BMP3: variants seen among roughly 807,000 people sequenced by gnomAD.
The protein encoded by BMP3 is bone morphogenetic protein 3 (osteogenic).
In BMP3, 23 loss-of-function variants were observed where a neutral mutation model predicts 38.1. The observed-to-expected ratio is 0.60, with a 90% CI of 0.43 to 0.86. The LOEUF (loss-of-function observed/expected upper bound fraction) is 0.86. BMP3 is among the 40% of genes least tolerant of loss of function. BMP3 has a pLI of 0.00. For missense variants in BMP3, 628 were observed against 579.6 expected, an observed-to-expected ratio of 1.08 and a Z score of -0.86; for synonymous variants, 258 against 225.7, an observed-to-expected ratio of 1.14 and a Z score of -1.28.
intron 2 of BMP3, among the ~76,000 whole-genome samples, chr4:81,051,096 C>A (rs2109912740): frequency 6.6e-6 from 1 of 152,026 alleles, no homozygotes; most frequent in South Asian, 2.1e-4. Context: ...TCAGGGGCTT[C>A]TGTCCAAATT....
intron 2 of BMP3, among the ~76,000 whole-genome samples, chr4:81,049,742 T>C (rs1740359549): frequency 6.6e-6 from 1 of 152,188 alleles, no homozygotes; most frequent in South Asian, 2.1e-4. Flanking sequence ...ATCCCTGTTA[T>C]CTGCACCGTG....
In BMP3 at chr4:81,045,806, T is replaced by G; in HGVS notation, c.385T>G (p.Ser129Ala). 2.5e-6 allele frequency: 4 copies of G among 1,613,846 alleles called. No homozygotes were observed. Among genetic ancestry groups the G allele is most frequent in the Non-Finnish European group, 3.4e-6 (4 of 1,179,914 alleles). ...TSLTKSENIL[S>A]ATLYFCIGEL... ...GCTAACCAAGTCTGAAAACATTTTG[T>G]CTGCCACACTGTATTTCTGTATTGG... Residue 129 changes from serine (S) to alanine (A), a missense_variant, in exon 2 of 3, where the codon TCT becomes GCT. Ser to Ala is a moderately conservative substitution (Grantham distance 99). Transcript: ENST00000282701.
rs546130548 is a variant in BMP3 at position 81,038,989 on chromosome 4, A to G, written c.317-6749A>G. Among the ~76,000 whole-genome samples, 224 of 152,344 alleles carry G rather than the reference A, an allele frequency of 1.5e-3. 1 individual carries two copies. Among genetic ancestry groups the G allele is most frequent in the Middle Eastern group, 3.4e-3 (1 of 294 alleles). On this transcript the variant is annotated intron_variant, in intron 1 of 2. Coordinates refer to ENST00000282701, the MANE Select transcript of BMP3 (RefSeq NM_001201.5). ...ATCTTTGGCTGTTTTTACTTTGGACATAGAGAATGGTTGTTTTGAGGTCCC... is the reference window on the plus strand; with the variant it reads ...ATCTTTGGCTGTTTTTACTTTGGACGTAGAGAATGGTTGTTTTGAGGTCCC...
Position 81,031,407 on chromosome 4 carries a change from G to C in BMP3, c.123G>C (p.Thr41=), listed in dbSNP as rs202167056. Residue 41 remains threonine, a synonymous_variant, in exon 1 of 3, where the codon ACG becomes ACC. Coordinates refer to ENST00000282701, the MANE Select transcript of BMP3 (RefSeq NM_001201.5). ...GCAAAGCTGTGCCAGGTGACCGCAC[G>C]GCAGGTGGTGGCCCGGACTCCGAGC... The part of the protein sequence containing the change: ...ELRKAVPGDR[T]AGGGPDSELQ... 4.2e-5 allele frequency: 67 copies of C among 1,613,708 alleles called. No homozygotes were observed. The African/African-American group carries it at 6.8e-4, about 16-fold the overall frequency.
rs1470013991 is a variant in BMP3 at position 81,031,252 on chromosome 4, C to T, written c.-33C>T. ...GCCTTCGGAGTGTCCCGCAGCGACG[C>T]CGGGAGCCGACGCGCCGCGCGGGTA... On this transcript the variant is annotated 5_prime_UTR_variant, in exon 1 of 3. Coordinates refer to ENST00000282701, the MANE Select transcript of BMP3 (RefSeq NM_001201.5). 1 of 1,544,648 alleles carries T rather than the reference C, an allele frequency of 6.5e-7. No homozygotes were observed. Among genetic ancestry groups the T allele is most frequent in the Non-Finnish European group, 8.7e-7 (1 of 1,145,442 alleles).
chr4:81,047,396 A>G lies in BMP3; in HGVS notation c.1227+748A>G, dbSNP rs187584443. Among the ~76,000 whole-genome samples the G allele has an allele frequency of 2.4e-3, 358 of 152,186 alleles. 2 individuals carry two copies. The highest frequency in any genetic ancestry group is 7.9e-3 in the African/African-American group (328 of 41,532). ...GAAGTCTCTCCAACCCCCACCTCCA[A>G]CTTGCACGGCAAGTTCAAGTGACTG... On this transcript the variant is annotated intron_variant, in intron 2 of 2. Coordinates refer to ENST00000282701, the MANE Select transcript of BMP3 (RefSeq NM_001201.5).
At chr4:81,049,302 T>C (rs1740343615) in intron 2 of BMP3, among the ~76,000 whole-genome samples, 1 of 152,194 alleles carries the variant, frequency 6.6e-6, no homozygotes, top group Non-Finnish European at 1.5e-5. Context: ...ATGTTTCTAG[T>C]CCCTTTTCAA....
chr4:81,032,521 T>C (rs542419189), intron 1 of BMP3, among the ~76,000 whole-genome samples: 1 of 152,362 alleles, frequency 6.6e-6, no homozygotes, highest in African/African-American at 2.4e-5. Context: ...TCTGTTTTTA[T>C]GCTTTGAGGA....
intron 1 of BMP3, among the ~76,000 whole-genome samples, chr4:81,042,295 C>A (rs113713536): frequency 6.6e-6 from 1 of 152,272 alleles, no homozygotes; most frequent in African/African-American, 2.4e-5. Flanking sequence ...ATACTGGAAA[C>A]CACAGTTCTA....
intron 2 of BMP3, among the ~76,000 whole-genome samples, chr4:81,050,294 C>T (rs1034165233): frequency 4.6e-5 from 7 of 152,142 alleles, no homozygotes; most frequent in Non-Finnish European, 7.4e-5. Context: ...TTCACAGACA[C>T]GGCAGTTTGG....
chr4:81,053,355 C>A lies in BMP3; in HGVS notation c.1238C>A (p.Pro413Gln). Residue 413 changes from proline (P) to glutamine (Q), a missense_variant, in exon 3 of 3, where the codon CCA (proline) becomes CAA (glutamine). Coordinates refer to ENST00000282701, the MANE Select transcript of BMP3 (RefSeq NM_001201.5). ...CQFPMPKSLK[P>Q]SNHATIQSIV... Reference sequence around the variant, plus strand: ...CATTTCTTTCTCTAGTCTTTGAAGCCATCAAATCATGCTACCATCCAGAGT... The same window carrying A: ...CATTTCTTTCTCTAGTCTTTGAAGCAATCAAATCATGCTACCATCCAGAGT... The A allele has an allele frequency of 5.7e-6, 9 of 1,567,284 alleles. No individual in the cohort carries two copies. The highest frequency in any genetic ancestry group is 7.7e-6 in the Non-Finnish European group (9 of 1,162,306).
chr4:81,032,273 T>G (rs374343253), intron 1 of BMP3, among the ~76,000 whole-genome samples: 78 of 145,740 alleles, frequency 5.4e-4, no homozygotes, highest in African/African-American at 1.9e-3. Flanking sequence ...ACAGGGGTTG[T>G]ACCATCCATC....
chr4:81,033,196 A>G (rs956151152), intron 1 of BMP3, among the ~76,000 whole-genome samples: 3 of 152,238 alleles, frequency 2.0e-5, no homozygotes, highest in Non-Finnish European at 4.4e-5. Context: ...ATAAAAAACA[A>G]TATGTTTGGG....
chr4:81,036,625 A>G (rs1461413031), intron 1 of BMP3, among the ~76,000 whole-genome samples: 1 of 152,052 alleles, frequency 6.6e-6, no homozygotes, highest in Non-Finnish European at 1.5e-5. Context: ...GTAAATTTTT[A>G]TGATTATGTT....
intron 1 of BMP3, among the ~76,000 whole-genome samples, chr4:81,036,159 A>T (rs1739918375): frequency 6.6e-6 from 1 of 151,928 alleles, no homozygotes. Context: ...ATTAATATTC[A>T]TTGTTTCACA....
At position 81,030,887 on chromosome 4, in the gene BMP3, CAG is replaced by C. The variant is rs1739727625; in HGVS notation, c.-395_-394del. On this transcript the variant is annotated 5_prime_UTR_variant, in exon 1 of 3. Transcript: ENST00000282701. ...CCCGGCTCCGACCTGGCGCCCAAAA[CAG>C]AGCTAGTCCTAGTCCCTCGCGCGGC... The C allele has an allele frequency of 5.4e-6, 1 of 186,796 alleles. No homozygotes were observed. The highest frequency in any genetic ancestry group is 5.9e-5 in the Admixed American group (1 of 16,824). The allele number at this position is 186,796 out of a possible 1,614,324, so 11.6% of individuals were successfully genotyped here. A position where few individuals can be genotyped will look rare whatever the true frequency, so the allele number is the denominator to read the frequency against.
At chr4:81,049,359 C>G (rs552386377) in intron 2 of BMP3, among the ~76,000 whole-genome samples, 1 of 152,118 alleles carries the variant, frequency 6.6e-6, no homozygotes, top group Admixed American at 6.6e-5. Context: ...TTCAACCGCC[C>G]GTGAGCTCTT....
Position 81,042,754 on chromosome 4 carries a change from C to A in BMP3, c.317-2984C>A, listed in dbSNP as rs559139252. On this transcript the variant is annotated intron_variant, in intron 1 of 2. Coordinates refer to ENST00000282701, the MANE Select transcript of BMP3 (RefSeq NM_001201.5). ...TCCCTTGGAGATCATTTATTCCCTG[C>A]CAGCATGTTTGTTTGGCAACCATTG... Among the ~76,000 whole-genome samples, 373 of 152,342 alleles carry A rather than the reference C, an allele frequency of 2.4e-3. 2 individuals are homozygous for A. Among genetic ancestry groups the A allele is most frequent in the African/African-American group, 8.2e-3 (343 of 41,578 alleles).
rs1355090143 is a variant in BMP3, at chr4:81,046,624, A to G, written c.1203A>G (p.Gly401=). Residue 401 remains glycine (G), a synonymous_variant, in exon 2 of 3, where the codon GGA becomes GGG. Transcript: ENST00000282701. ...CCTTTGATGCCTATTATTGCTCTGG[A>G]GCATGCCAGTTCCCCATGCCAAAGG... The part of the protein sequence containing the change: ...PKSFDAYYCS[G]ACQFPMPKSL... 6.2e-7 allele frequency: 1 copy of G among 1,612,824 alleles called. No individual in the cohort carries two copies. The highest frequency in any genetic ancestry group is 2.2e-5 in the East Asian group (1 of 44,844).
Sources: gnomAD v4.1 joint callset for allele counts (sites outside exome capture counted in the v4.1 genomes callset) on GRCh38, gnomAD v4.1.1 for gene constraint, MANE v1.5 for transcripts, NCBI Gene and HGNC (gene_info 2026-07-23, HGNC 2026-07-21) for gene names.